The following PLPPR5 variants were observed in gnomAD, a reference collection of about 807,000 sequenced individuals.
PLPPR5 encodes phospholipid phosphatase related 5, also known as phospholipid phosphatase-related protein type 5.
Under a neutral mutation model 33.9 loss-of-function variants are expected in PLPPR5, and 16 were observed. That is an observed-to-expected ratio of 0.47 (90% CI 0.32 to 0.72). The LOEUF (loss-of-function observed/expected upper bound fraction) is 0.72, where lower values mean the gene tolerates loss of function less well. Ranked by LOEUF, PLPPR5 falls within the 30% of genes least tolerant of loss-of-function variation. PLPPR5 has a pLI of 0.03. For synonymous variants in PLPPR5, 163 were observed against 150.3 expected (o/e 1.08, Z -0.62); for missense variants, 301 against 406.7 (o/e 0.74, Z 2.23).
chr1:98,912,575 T>A (rs563138593), intron 5 of PLPPR5, among the ~76,000 whole-genome samples: 1 of 152,294 alleles, frequency 6.6e-6, no homozygotes, highest in African/African-American at 2.4e-5. Context: ...TCTGCTGACA[T>A]TCCATTTGTC....
chr1:98,985,919 T>C (rs1204120726), intron 1 of PLPPR5, among the ~76,000 whole-genome samples: 1 of 152,032 alleles, frequency 6.6e-6, no homozygotes, highest in Non-Finnish European at 1.5e-5. Context: ...TTAAGGGACA[T>C]ATGACTGTAT....
intron 3 of PLPPR5, among the ~76,000 whole-genome samples, chr1:98,947,528 T>C (rs1211124193): frequency 3.3e-5 from 5 of 152,260 alleles, no homozygotes; most frequent in Non-Finnish European, 7.3e-5. Context: ...TTATATTTTA[T>C]GATTATGAGC....
At chr1:98,902,719 A>C (rs1648742353) in intron 5 of PLPPR5, among the ~76,000 whole-genome samples, 1 of 152,108 alleles carries the variant, frequency 6.6e-6, no homozygotes, top group African/African-American at 2.4e-5. Flanking sequence ...GTTCCCATCC[A>C]TGTGTAACTA....
chr1:99,001,671 G>GATATATATATATATATAGATATAT (rs1553173326), intron 1 of PLPPR5, among the ~76,000 whole-genome samples: 25 of 102,184 alleles, frequency 2.4e-4, no homozygotes, highest in Non-Finnish European at 4.0e-4. Context: ...GAAAGTTAAA[G>GATATATATATATATATAGATATAT]ATATATATAT....
intron 4 of PLPPR5, among the ~76,000 whole-genome samples, chr1:98,918,847 A>G (rs369727821): frequency 6.6e-6 from 1 of 152,200 alleles, no homozygotes. Context: ...TTCTTTAATC[A>G]TTCCTTCATG....
chr1:98,935,701 A>G (rs1451564921), intron 3 of PLPPR5, among the ~76,000 whole-genome samples: 4 of 152,214 alleles, frequency 2.6e-5, no homozygotes, highest in Admixed American at 2.6e-4. Flanking sequence ...ACAGTTAAAT[A>G]TAAGAAATAT....
At chr1:99,002,131 G>C (rs796952988) in intron 1 of PLPPR5, among the ~76,000 whole-genome samples, 2 of 152,108 alleles carry the variant, frequency 1.3e-5, no homozygotes, top group African/African-American at 4.8e-5. Context: ...TGCCCTTACT[G>C]CTCCCAGCTC....
chr1:98,981,313 C>T (rs956177194), intron 1 of PLPPR5, among the ~76,000 whole-genome samples: 20 of 152,086 alleles, frequency 1.3e-4, no homozygotes, highest in African/African-American at 4.8e-4. Context: ...TTTGACTCAA[C>T]AGCTTTATGT....
At chr1:98,943,244 T>C (rs879286883) in intron 3 of PLPPR5, among the ~76,000 whole-genome samples, 1 of 152,166 alleles carries the variant, frequency 6.6e-6, no homozygotes, top group Non-Finnish European at 1.5e-5. Context: ...AATGACTTCA[T>C]TGCCTGAAGA....
At chr1:98,955,084 A>G (rs1442438374) in intron 2 of PLPPR5, among the ~76,000 whole-genome samples, 1 of 152,078 alleles carries the variant, frequency 6.6e-6, no homozygotes, top group Non-Finnish European at 1.5e-5. Context: ...GTGCTTACCT[A>G]AAGTAAGCAC....
At position 98,986,532 on chromosome 1, in the gene PLPPR5, A is replaced by C. The variant is rs536750103; in HGVS notation, c.237+17903T>G. On this transcript the variant is annotated intron_variant, in intron 1 of 5. Transcript: ENST00000263177. ...TTAATAAAAGAAGTTGTAAAGTATA[A>C]GGATATATTTTTGTTAAAGGAATAA... Among the ~76,000 whole-genome samples, 47 of 152,022 alleles carry C rather than the reference A, an allele frequency of 3.1e-4. No homozygotes were observed. The South Asian group carries it at 9.5e-3, about 31-fold the overall frequency.
chr1:98,978,070 C>A (rs1447014934), intron 1 of PLPPR5, among the ~76,000 whole-genome samples: 1 of 151,848 alleles, frequency 6.6e-6, no homozygotes, highest in Non-Finnish European at 1.5e-5. Context: ...CTGTCAAATG[C>A]AAGAGGAGAA....
rs371335794 is a variant in PLPPR5 at position 98,936,460 on chromosome 1, A to G, written c.622-14402T>C. On this transcript the variant is annotated intron_variant, in intron 3 of 5. Transcript: ENST00000263177. Reference sequence around the variant, plus strand: ...ACCCAACCCAGTTGTTTCCACATCTACAGGCATGTTAGAAGTACTCAGAAT... The same window carrying G: ...ACCCAACCCAGTTGTTTCCACATCTGCAGGCATGTTAGAAGTACTCAGAAT... Among the ~76,000 whole-genome samples, 30 of 152,314 alleles carry G rather than the reference A, an allele frequency of 2.0e-4. No individual in the cohort carries two copies. In the Middle Eastern group the frequency reaches 0.01, roughly 52 times the overall value.
chr1:98,917,417 C>T (rs1332130917), intron 4 of PLPPR5, among the ~76,000 whole-genome samples: 1 of 152,170 alleles, frequency 6.6e-6, no homozygotes, highest in African/African-American at 2.4e-5. Flanking sequence ...TCTATTTCCA[C>T]CATAATGTGA....
intron 1 of PLPPR5, among the ~76,000 whole-genome samples, chr1:98,986,367 G>A (rs902640138): frequency 3.8e-4 from 57 of 151,560 alleles, no homozygotes; most frequent in East Asian, 1.9e-4. Context: ...TATAAGACAC[G>A]GAGTTCAAAA....
Position 98,891,000 on chromosome 1 carries a change from A to C in PLPPR5, c.*2072T>G, listed in dbSNP as rs964002417. On this transcript the variant is annotated 3_prime_UTR_variant, in exon 6 of 6. Coordinates refer to ENST00000263177, the MANE Select transcript of PLPPR5 (RefSeq NM_001037317.2). ...TTGGCTGCTTGGAAGTCTGATGTAG[A>C]ATCAATAGAACTGATAGAAGTCTGG... 6 of 152,262 alleles carry C rather than the reference A, an allele frequency of 3.9e-5. 1 individual carries two copies. Among genetic ancestry groups the C allele is most frequent in the Middle Eastern group, 6.8e-3 (2 of 294 alleles). 9.4% of individuals were successfully genotyped at this position (152,262 alleles called of 1,614,324 possible).
At chr1:98,952,828 T>C (rs1439302600) in intron 3 of PLPPR5, among the ~76,000 whole-genome samples, 2 of 152,142 alleles carry the variant, frequency 1.3e-5, no homozygotes, top group Non-Finnish European at 1.5e-5. Flanking sequence ...TATTCTCAAA[T>C]AGAAATGCTA....
At chr1:98,973,896 A>C (rs1353022098) in intron 1 of PLPPR5, among the ~76,000 whole-genome samples, 1 of 141,770 alleles carries the variant, frequency 7.1e-6, no homozygotes, top group African/African-American at 2.6e-5. Context: ...ATTTCTGGGC[A>C]GGGGAGGGGT....
intron 4 of PLPPR5, among the ~76,000 whole-genome samples, chr1:98,916,373 GGA>G (rs1024783961): frequency 6.6e-6 from 1 of 152,154 alleles, no homozygotes; most frequent in African/African-American, 2.4e-5. Flanking sequence ...GTAAGGGCTT[GGA>G]GATGGATACT....
Sources: gnomAD v4.1 joint callset for allele counts (sites outside exome capture counted in the v4.1 genomes callset) on GRCh38, gnomAD v4.1.1 for gene constraint, MANE v1.5 for transcripts, NCBI Gene and HGNC (gene_info 2026-07-23, HGNC 2026-07-21) for gene names.